Variants in YTHDC1 observed in about 807,000 individuals in gnomAD.
YTHDC1 encodes YTH N6-methyladenosine RNA binding protein C1.
Under a neutral mutation model 107.0 loss-of-function variants are expected in YTHDC1, and 12 were observed. The observed-to-expected ratio is 0.11, with a 90% CI of 0.07 to 0.18. The LOEUF is 0.18. Ranked by LOEUF, YTHDC1 falls within the 10% of genes least tolerant of loss-of-function variation. The pLI is 1.00. For missense variants in YTHDC1, 635 were observed against 898.8 expected, an observed-to-expected ratio of 0.71 and a Z score of 3.75; for synonymous variants, 280 against 289.5, an observed-to-expected ratio of 0.97 and a Z score of 0.33.
rs373602775 is a variant in YTHDC1 at position 68,333,689 on chromosome 4, CG to C, written c.884-293del. 6.0e-3 allele frequency among the ~76,000 whole-genome samples: 902 copies of C among 151,224 alleles called. 11 individuals carry two copies. Among genetic ancestry groups the C allele is most frequent in the African/African-American group, 0.021 (852 of 41,210 alleles). ...GTGGCCTTGAATACAGTTTTCCAAGCGGGGGGGGAAATTTGCAAAGCAAAAA... is the reference window on the plus strand; with the variant it reads ...GTGGCCTTGAATACAGTTTTCCAAGCGGGGGGGAAATTTGCAAAGCAAAAA... On this transcript the variant is annotated intron_variant, in intron 4 of 16. Coordinates refer to ENST00000344157, the MANE Select transcript of YTHDC1 (RefSeq NM_001031732.4).
rs1376737043 is a variant in YTHDC1 at position 68,310,896 on chromosome 4, T to C, written c.*3203A>G. ...AAGACCACGACATTCTACAGCAGAA[T>C]GTAGATATATCCAAGGGCAAGATGC... On this transcript the variant is annotated 3_prime_UTR_variant, in exon 17 of 17. Transcript: ENST00000344157. The C allele has an allele frequency of 6.6e-6, 1 of 152,124 alleles. No individual in the cohort carries two copies. 9.4% of individuals were successfully genotyped at this position (152,124 alleles called of 1,614,324 possible).
At chr4:68,326,124 A>T (rs1252731009) in intron 9 of YTHDC1, among the ~76,000 whole-genome samples, 1 of 152,144 alleles carries the variant, frequency 6.6e-6, no homozygotes, top group Non-Finnish European at 1.5e-5. Flanking sequence ...AAATATAAGA[A>T]GGTTATAAAT....
chr4:68,322,855 C>T lies in YTHDC1; in HGVS notation c.1495G>A (p.Asp499Asn). 5 of 1,614,092 alleles carry T rather than the reference C, an allele frequency of 3.1e-6. No individual in the cohort carries two copies. The highest frequency in any genetic ancestry group is 4.2e-6 in the Non-Finnish European group (5 of 1,180,000). The change falls in exon 11 of 17, where the codon GAC becomes AAC. Residue 499 changes from aspartate (D) to asparagine (N), a missense_variant. Around this residue, in one of 5 missense-constraint regions of YTHDC1, gnomAD observed 256 missense variants for 372.9 expected, o/e 0.69. Transcript: ENST00000344157. The surrounding 1 kb of genome is among the most constrained non-coding windows in gnomAD (Gnocchi z 4.8). ...ATTTTATGAATGACCTGATACAAGTCAATACTTTCATCGGGGGGAAACAGA... is the reference window on the plus strand; with the variant it reads ...ATTTTATGAATGACCTGATACAAGTTAATACTTTCATCGGGGGGAAACAGA... ...CLLFPPDESIDLYQVIHKMRH... is the reference protein window; with the variant it reads ...CLLFPPDESINLYQVIHKMRH...
chr4:68,335,782 G>A (rs972880601), intron 4 of YTHDC1, among the ~76,000 whole-genome samples: 4 of 151,492 alleles, frequency 2.6e-5, no homozygotes, highest in African/African-American at 9.7e-5. Flanking sequence ...AAGGCATGAT[G>A]GAAGCATAAA....
intron 1 of YTHDC1, among the ~76,000 whole-genome samples, chr4:68,345,204 C>CT (rs1368831157): frequency 6.6e-6 from 1 of 152,054 alleles, no homozygotes; most frequent in African/African-American, 2.4e-5. Flanking sequence ...AGGTCACAAA[C>CT]TTTAACTCTA....
intron 1 of YTHDC1, chr4:68,343,911 A>G (rs1336190272): frequency 6.6e-6 from 1 of 152,202 alleles, no homozygotes; most frequent in East Asian, 1.9e-4. Flanking sequence ...CTAAAATTCA[A>G]ATCTATCTAA....
chr4:68,326,323 A>G (rs980014983), intron 9 of YTHDC1, among the ~76,000 whole-genome samples: 1 of 152,186 alleles, frequency 6.6e-6, no homozygotes, highest in Non-Finnish European at 1.5e-5. Flanking sequence ...AACATCACAG[A>G]AAACTGTGAA....
intron 1 of YTHDC1, among the ~76,000 whole-genome samples, chr4:68,338,811 C>T (rs1724505415): frequency 6.6e-6 from 1 of 152,212 alleles, no homozygotes; most frequent in Non-Finnish European, 1.5e-5. Flanking sequence ...GATTGTGCCA[C>T]TGCATTCCAG....
chr4:68,331,512 T>C (rs577943021), intron 7 of YTHDC1, among the ~76,000 whole-genome samples: 15 of 152,290 alleles, frequency 9.8e-5, no homozygotes, highest in African/African-American at 3.1e-4. Flanking sequence ...AGCAAAACAC[T>C]GTAACAGCTA....
chr4:68,311,964 T>C lies in YTHDC1; in HGVS notation c.*2135A>G, dbSNP rs1721338960. 2.6e-5 allele frequency: 4 copies of C among 152,046 alleles called. No individual in the cohort carries two copies. The highest frequency in any genetic ancestry group is 7.2e-5 in the African/African-American group (3 of 41,388). 9.4% of individuals were successfully genotyped at this position (152,046 alleles called of 1,614,324 possible). A position where few individuals can be genotyped will look rare whatever the true frequency, so the allele number is the denominator to read the frequency against. On this transcript the variant is annotated 3_prime_UTR_variant, in exon 17 of 17. Coordinates refer to ENST00000344157, the MANE Select transcript of YTHDC1 (RefSeq NM_001031732.4). ...GAGTTTGAGACCAGCCTGGCCAACA[T>C]GTTGGAACCCCATCTCTACTAAAAT...
intron 1 of YTHDC1, among the ~76,000 whole-genome samples, chr4:68,346,577 C>T (rs1725467551): frequency 6.6e-6 from 1 of 152,162 alleles, no homozygotes. Flanking sequence ...CCCACTCTGT[C>T]CTGCCTGGAA....
chr4:68,321,612 CAA>C (rs1435033979), intron 11 of YTHDC1, among the ~76,000 whole-genome samples: 1 of 152,180 alleles, frequency 6.6e-6, no homozygotes, highest in East Asian at 1.9e-4. Flanking sequence ...CTTAAAACTT[CAA>C]AAGACATCTT....
intron 9 of YTHDC1, among the ~76,000 whole-genome samples, chr4:68,327,558 T>G (rs1251377158): frequency 1.3e-5 from 2 of 152,196 alleles, no homozygotes; most frequent in Non-Finnish European, 2.9e-5. Flanking sequence ...CAGATGCTAC[T>G]GATGTAAGTG....
intron 2 of YTHDC1, 89 bp downstream of exon 2, chr4:68,338,194 C>T (rs974895616): frequency 7.4e-7 from 1 of 1,355,242 alleles, no homozygotes; most frequent in African/African-American, 1.5e-5. Flanking sequence ...AAGGAACAAG[C>T]ACAAAAAAGC....
intron 1 of YTHDC1, among the ~76,000 whole-genome samples, chr4:68,346,928 G>A (rs1268110600): frequency 2.6e-5 from 4 of 152,096 alleles, no homozygotes; most frequent in African/African-American, 9.7e-5. Flanking sequence ...ATCTTAGAAC[G>A]TATTTACCAG....
At position 68,337,413 on chromosome 4, in the gene YTHDC1, G is replaced by T; in HGVS notation, c.497C>A (p.Ser166Tyr). The T allele has an allele frequency of 6.2e-7, 1 of 1,614,068 alleles. No homozygotes were observed. Among genetic ancestry groups the T allele is most frequent in the East Asian group, 2.2e-5 (1 of 44,878 alleles). Reference protein sequence around the residue: ...GLEVDRRASRSSQSSKEEVNS... With the variant: ...GLEVDRRASRYSQSSKEEVNS... ...CACTTCTTCCTTAGAAGACTGGCTG[G>T]ATCTGCTTGCACGTCTATCCACTTC... The change falls in exon 4 of 17, where the codon TCC (serine) becomes TAC (tyrosine). Residue 166 changes from serine (S) to tyrosine (Y), a missense_variant. Transcript: ENST00000344157.
chr4:68,334,887 T>C (rs1344492104), intron 4 of YTHDC1, among the ~76,000 whole-genome samples: 1 of 152,062 alleles, frequency 6.6e-6, no homozygotes, highest in African/African-American at 2.4e-5. Context: ...ATTAAAAAGT[T>C]ACTAAAAAGA....
At chr4:68,324,249 A>C in intron 9 of YTHDC1, 26 bp from the exon 10 acceptor site, 1 of 1,581,222 alleles carries the variant, frequency 6.3e-7, no homozygotes, top group Non-Finnish European at 8.7e-7. Context: ...TATCAATTAC[A>C]TTCTTCTGCA....
intron 7 of YTHDC1, among the ~76,000 whole-genome samples, chr4:68,331,347 G>C (rs1175667727): frequency 6.6e-6 from 1 of 152,016 alleles, no homozygotes; most frequent in East Asian, 1.9e-4. Context: ...AGGCTATTTG[G>C]TGTACTGTTT....
Sources: allele counts gnomAD v4.1 joint callset (sites outside exome capture counted in the v4.1 genomes callset), GRCh38; gene constraint gnomAD v4.1.1; regional missense constraint gnomAD v4.1.1; non-coding constraint Gnocchi (gnomAD v3.1); transcripts MANE v1.5; gene names NCBI Gene and HGNC (gene_info 2026-07-23, HGNC 2026-07-21).